CNTN4: variants seen among roughly 807,000 people sequenced by gnomAD.
CNTN4 encodes contactin-4.
A neutral mutation model predicts 122.5 loss-of-function variants in CNTN4; 77 were observed. The observed-to-expected ratio is 0.63, with a 90% CI of 0.52 to 0.76. The LOEUF (loss-of-function observed/expected upper bound fraction) is 0.76, where lower values mean the gene tolerates loss of function less well. Ranked by LOEUF, CNTN4 falls within the 30% of genes least tolerant of loss-of-function variation. The pLI is 0.00. For synonymous variants in CNTN4, 512 were observed against 447.0 expected, an observed-to-expected ratio of 1.15 and a Z score of -1.83; for missense variants, 1,256 against 1,259.1, an observed-to-expected ratio of 1.00 and a Z score of 0.04.
At chr3:2,199,326 A>AGT (rs749883694) in intron 2 of CNTN4, among the ~76,000 whole-genome samples, 25 of 151,768 alleles carry the variant, frequency 1.6e-4, no homozygotes, top group Middle Eastern at 6.8e-3. Flanking sequence ...GTACTTTTAA[A>AGT]GTGTGTGTGT....
At chr3:3,048,901 A>C (rs1700961054) in intron 23 of CNTN4, among the ~76,000 whole-genome samples, 1 of 152,174 alleles carries the variant, frequency 6.6e-6, no homozygotes, top group Admixed American at 6.6e-5. Flanking sequence ...ATATTTTGTC[A>C]ACACAAATCC....
intron 2 of CNTN4, among the ~76,000 whole-genome samples, chr3:2,160,525 A>G (rs551710197): frequency 3.0e-4 from 45 of 152,328 alleles, no homozygotes; most frequent in African/African-American, 1.1e-3. Flanking sequence ...GTTATTTATA[A>G]TGTGGAATAA....
At chr3:2,507,734 C>CAAAA (rs34779120) in intron 3 of CNTN4, among the ~76,000 whole-genome samples, 1 of 108,788 alleles carries the variant, frequency 9.2e-6, no homozygotes, top group Non-Finnish European at 1.9e-5. Flanking sequence ...GACTTTGTCT[C>CAAAA]AAAAAAAAAA....
chr3:3,023,326 T>TTAATGAATCAGCAGC (rs1229165325), intron 14 of CNTN4, among the ~76,000 whole-genome samples: 9 of 152,012 alleles, frequency 5.9e-5, no homozygotes, highest in Non-Finnish European at 1.3e-4. Context: ...AAGTGCTGAG[T>TTAATGAATCAGCAGC]TAATGAATCA....
chr3:2,536,867 A>G (rs1026286215), intron 3 of CNTN4, among the ~76,000 whole-genome samples: 2 of 152,170 alleles, frequency 1.3e-5, no homozygotes, highest in Non-Finnish European at 2.9e-5. Flanking sequence ...CCCAGGTTCT[A>G]GAATACCACC....
intron 3 of CNTN4, among the ~76,000 whole-genome samples, chr3:2,515,183 G>C (rs1176027066): frequency 1.3e-5 from 2 of 152,068 alleles, no homozygotes; most frequent in Non-Finnish European, 2.9e-5. Context: ...GAATTACTTA[G>C]CTTTAGGCAT....
At chr3:3,040,330 G>C in intron 20 of CNTN4, 59 bp downstream of exon 20, 1 of 1,304,708 alleles carries the variant, frequency 7.7e-7, no homozygotes, top group Middle Eastern at 1.9e-4. Context: ...CTAAAATGTG[G>C]ATTGTAGCAC....
intron 3 of CNTN4, among the ~76,000 whole-genome samples, chr3:2,475,580 G>T (rs2075813899): frequency 6.6e-6 from 1 of 152,144 alleles, no homozygotes; most frequent in Non-Finnish European, 1.5e-5. Flanking sequence ...AAATCTTCCT[G>T]TATACATTCC....
chr3:2,836,392 A>C (rs1429636447), intron 7 of CNTN4, among the ~76,000 whole-genome samples: 1 of 152,230 alleles, frequency 6.6e-6, no homozygotes. Context: ...CAAAGACAGC[A>C]AAAAGGGAAT....
rs916950314 is a variant in CNTN4 at position 2,517,720 on chromosome 3, C to G, written c.-88-53696C>G. Among the ~76,000 whole-genome samples, 79 of 152,240 alleles carry G rather than the reference C, an allele frequency of 5.2e-4. 1 individual carries two copies. Among genetic ancestry groups the G allele is most frequent in the African/African-American group, 1.8e-3 (76 of 41,566 alleles). On this transcript the variant is annotated intron_variant, in intron 3 of 24. Transcript: ENST00000418658. ...AACACGGTCATTTGCAAGAACTTTG[C>G]CTCCTCGCTGGTTAGAATTCATTGT...
chr3:3,014,260 T>A (rs764772890), intron 14 of CNTN4, among the ~76,000 whole-genome samples: 1 of 152,214 alleles, frequency 6.6e-6, no homozygotes, highest in Non-Finnish European at 1.5e-5. Context: ...TCTCAATACT[T>A]TCAGTCTGTA....
intron 4 of CNTN4, among the ~76,000 whole-genome samples, chr3:2,615,760 T>C (rs1382529868): frequency 1.3e-5 from 2 of 152,092 alleles, no homozygotes; most frequent in Admixed American, 6.6e-5. Context: ...ATCCATGAGG[T>C]ATCAAAATTA....
intron 4 of CNTN4, among the ~76,000 whole-genome samples, chr3:2,673,804 A>G (rs370643870): frequency 6.6e-6 from 1 of 152,096 alleles, no homozygotes; most frequent in African/African-American, 2.4e-5. Flanking sequence ...AGCCTCCCAA[A>G]GTGCTGGGAT....
At position 2,988,601 on chromosome 3, in the gene CNTN4, C is replaced by T. The variant is rs139634343; in HGVS notation, c.1486+129C>T. 1.3e-3 allele frequency: 1,208 copies of T among 932,670 alleles called. 15 individuals are homozygous for T. The East Asian group carries it at 0.02, about 15-fold the overall frequency. 57.8% of individuals were successfully genotyped at this position (932,670 alleles called of 1,614,324 possible). On this transcript the variant is annotated intron_variant, in intron 14 of 24. Coordinates refer to ENST00000418658, the MANE Select transcript of CNTN4 (RefSeq NM_175607.3). ...ACTGTATTGCTAAATTAATTCATCACGGCAAACATGATATGATTAATAATT... is the reference window on the plus strand; with the variant it reads ...ACTGTATTGCTAAATTAATTCATCATGGCAAACATGATATGATTAATAATT...
intron 4 of CNTN4, among the ~76,000 whole-genome samples, chr3:2,575,708 T>C (rs1181714463): frequency 2.6e-5 from 4 of 152,030 alleles, no homozygotes; most frequent in Admixed American, 6.6e-5. Flanking sequence ...AAAATGGCAA[T>C]ATTTATTTTG....
At chr3:2,684,422 G>A (rs1019200692) in intron 4 of CNTN4, among the ~76,000 whole-genome samples, 1 of 152,152 alleles carries the variant, frequency 6.6e-6, no homozygotes, top group Non-Finnish European at 1.5e-5. Context: ...ATACAAAGTG[G>A]TATAAAATGC....
intron 13 of CNTN4, among the ~76,000 whole-genome samples, chr3:2,929,177 C>T (rs1282640936): frequency 2.0e-5 from 3 of 152,144 alleles, no homozygotes; most frequent in African/African-American, 4.8e-5. Context: ...GCATTTAAAA[C>T]AGGGAAGACC....
chr3:2,324,147 C>T (rs1285634225), intron 2 of CNTN4, among the ~76,000 whole-genome samples: 5 of 152,130 alleles, frequency 3.3e-5, no homozygotes, highest in African/African-American at 4.8e-5. Flanking sequence ...GTCTAGTGTC[C>T]TCTGGCGGGG....
intron 3 of CNTN4, among the ~76,000 whole-genome samples, chr3:2,568,844 T>C (rs879290625): frequency 2.6e-5 from 4 of 152,236 alleles, no homozygotes; most frequent in Non-Finnish European, 5.9e-5. Context: ...ACATGCACTG[T>C]AAATACTATC....
Sources: gnomAD v4.1 joint callset for allele counts (sites outside exome capture counted in the v4.1 genomes callset) on GRCh38, gnomAD v4.1.1 for gene constraint, MANE v1.5 for transcripts, NCBI Gene and HGNC (gene_info 2026-07-23, HGNC 2026-07-21) for gene names.